ICE1: variants seen among roughly 807,000 people sequenced by gnomAD.
ICE1 encodes little elongation complex subunit 1.
Under a neutral mutation model 192.7 loss-of-function variants are expected in ICE1, and 64 were observed. That is an observed-to-expected ratio of 0.33 (90% CI 0.27 to 0.41). The LOEUF (loss-of-function observed/expected upper bound fraction) is 0.41. ICE1 is among the 10% of genes least tolerant of loss of function. The pLI is 1.00. For synonymous variants in ICE1, 1,010 were observed against 984.5 expected (o/e 1.03, Z -0.49); for missense variants, 2,708 against 2,696.0 (o/e 1.00, Z -0.10).
rs1739296660 is a variant in ICE1, at chr5:5,476,078, T to G, written c.6519T>G (p.Ile2173Met). 3.3e-6 allele frequency: 5 copies of G among 1,526,046 alleles called. No homozygotes were observed. Among genetic ancestry groups the G allele is most frequent in the Non-Finnish European group, 4.5e-6 (5 of 1,117,448 alleles). 94.5% of individuals were successfully genotyped at this position (1,526,046 alleles called of 1,614,324 possible). ...DIIIASILRLIGRLGQLGLKE... is the reference protein window; with the variant it reads ...DIIIASILRLMGRLGQLGLKE... ...TTATAGCCTCAATACTGAGGCTGAT[T>G]GGTAAGTTGTCTGTTTTATTATTGT... The change falls in exon 17 of 19, where the codon ATT becomes ATG. Residue 2173 changes from isoleucine (I) to methionine (M), a missense_variant and splice_region_variant. Physicochemically the swap from Ile to Met is conservative, Grantham distance 10. Around this residue, in one of 2 missense-constraint regions of ICE1, gnomAD observed 342 missense variants for 419.3 expected, o/e 0.82. Coordinates refer to ENST00000296564, the MANE Select transcript of ICE1 (RefSeq NM_015325.3).
Position 5,462,009 on chromosome 5 carries a change from G to A in ICE1, c.2675G>A (p.Ser892Asn). 1 of 1,613,958 alleles carries A rather than the reference G, an allele frequency of 6.2e-7. No individual in the cohort carries two copies. Among genetic ancestry groups the A allele is most frequent in the Non-Finnish European group, 8.5e-7 (1 of 1,179,894 alleles). The change falls in exon 13 of 19, where the codon AGT (serine) becomes AAT (asparagine). Residue 892 changes from serine (S) to asparagine (N), a missense_variant. Transcript: ENST00000296564. The part of the protein sequence containing the change: ...RVEPTLVTEN[S>N]GNKTGMSTVA... ...GAGCCTACCTTAGTAACAGAAAATAGTGGCAACAAAACCGGTATGTCAACT... is the reference window on the plus strand; with the variant it reads ...GAGCCTACCTTAGTAACAGAAAATAATGGCAACAAAACCGGTATGTCAACT...
chr5:5,454,463 TA>T (rs1738529003), intron 10 of ICE1, 88 bp from the exon 11 acceptor site: 5 of 826,906 alleles, frequency 6.0e-6, no homozygotes, highest in Non-Finnish European at 8.1e-6. Flanking sequence ...TCTAAGTCCC[TA>T]ATAAACCCTG....
Position 5,461,284 on chromosome 5 carries a change from G to A in ICE1, c.1950G>A (p.Gly650=), listed in dbSNP as rs757558118. The A allele has an allele frequency of 1.4e-5, 22 of 1,613,676 alleles. No individual in the cohort carries two copies. The highest frequency in any genetic ancestry group is 2.2e-5 in the East Asian group (1 of 44,890). The change falls in exon 13 of 19, where the codon GGG becomes GGA. Residue 650 remains glycine, a synonymous_variant. Transcript: ENST00000296564. The part of the protein sequence containing the change: ...SVGSNPQSSS[G]LDCGNDTDIT... ...GCAGTAATCCCCAGTCTTCTTCTGGGTTAGACTGTGGTAATGATACAGATA... is the reference window on the plus strand; with the variant it reads ...GCAGTAATCCCCAGTCTTCTTCTGGATTAGACTGTGGTAATGATACAGATA...
Position 5,461,007 on chromosome 5 carries a change from C to G in ICE1, c.1673C>G (p.Ser558Trp). The G allele has an allele frequency of 1.9e-6, 3 of 1,613,992 alleles. No individual in the cohort carries two copies. The highest frequency in any genetic ancestry group is 2.5e-6 in the Non-Finnish European group (3 of 1,179,888). The change falls in exon 13 of 19, where the codon TCG (serine) becomes TGG (tryptophan). Residue 558 changes from serine to tryptophan, a missense_variant. This residue lies in a region of ICE1 where 2,366 missense variants were observed against 2,276.6 expected (regional missense o/e 1.04). Transcript: ENST00000296564. ...GKTVLSKMMG[S>W]PKSEFTKWTR... ...ACCGTATTGTCTAAAATGATGGGAT[C>G]GCCCAAATCAGAGTTTACTAAGTGG...
chr5:5,456,896 G>A (rs141963782), intron 11 of ICE1, among the ~76,000 whole-genome samples: 118 of 152,196 alleles, frequency 7.8e-4, no homozygotes, highest in African/African-American at 2.6e-3. Flanking sequence ...TTTGGCCGTG[G>A]GTAGGCTTGA....
intron 10 of ICE1, among the ~76,000 whole-genome samples, chr5:5,448,292 T>C (rs181857814): frequency 2.0e-5 from 3 of 152,334 alleles, no homozygotes; most frequent in Admixed American, 6.5e-5. Context: ...AGCCTTATAG[T>C]ATATTATATA....
intron 16 of ICE1, among the ~76,000 whole-genome samples, chr5:5,475,035 AGTCT>A (rs1256957542): frequency 6.6e-6 from 1 of 152,202 alleles, no homozygotes; most frequent in Non-Finnish European, 1.5e-5. Flanking sequence ...GTCCAGTGCC[AGTCT>A]GTATAATGAT....
rs1292997295 is a variant in ICE1, at chr5:5,447,439, A to G, written c.437A>G (p.Lys146Arg). ...KVKKLQEAAV[K>R]QTQDFKQLRN... The stretch of plus-strand genomic sequence containing the variant: ...ATTGGACTTAAAGAGGCTGCTGTCA[A>G]GCAAACTCAGGACTTCAAGCAACTG... The change falls in exon 8 of 19, where the codon AAG becomes AGG. Residue 146 changes from lysine to arginine, a missense_variant. Lys to Arg is a conservative substitution (Grantham distance 26). Transcript: ENST00000296564. The G allele has an allele frequency of 6.4e-7, 1 of 1,552,428 alleles. No homozygotes were observed. The highest frequency in any genetic ancestry group is 2.4e-5 in the East Asian group (1 of 41,064).
rs1483389390 is a variant in ICE1, at chr5:5,463,429, A to G, written c.4095A>G (p.Glu1365=). 1.9e-6 allele frequency: 3 copies of G among 1,613,310 alleles called. No homozygotes were observed. Among genetic ancestry groups the G allele is most frequent in the Non-Finnish European group, 1.7e-6 (2 of 1,179,614 alleles). Residue 1365 remains glutamate, a synonymous_variant, in exon 13 of 19, where the codon GAA becomes GAG. Transcript: ENST00000296564. ...QTDGGEEDLP[E]PVEPSALCSD... ...ATGGTGGGGAAGAAGACCTGCCAGA[A>G]CCTGTGGAGCCATCAGCCTTGTGCT...
intron 12 of ICE1, among the ~76,000 whole-genome samples, chr5:5,459,791 A>G (rs1347743871): frequency 6.6e-6 from 1 of 152,128 alleles, no homozygotes; most frequent in Non-Finnish European, 1.5e-5. Context: ...CACATGCTCT[A>G]GGCAGTTAAC....
chr5:5,489,085 A>G, intron 18 of ICE1, 64 bp from the exon 19 acceptor site: 2 of 1,393,608 alleles, frequency 1.4e-6, no homozygotes, highest in Non-Finnish European at 2.0e-6. Context: ...AGTAGGTTAC[A>G]TCACTAAAAT....
In ICE1 at chr5:5,451,892, GTGT is replaced by G. The variant is rs1175175968; in HGVS notation, c.605-2655_605-2653del. ...CATGTTCTCAAGATTCAGGACTCTT[GTGT>G]TGTTAATATAGCTGCAAAAATACCA... is the stretch of plus-strand genomic sequence containing the variant. On this transcript the variant is annotated intron_variant, in intron 10 of 18. Transcript: ENST00000296564. Among the ~76,000 whole-genome samples, 27 of 152,188 alleles carry G rather than the reference GTGT, an allele frequency of 1.8e-4. 1 individual carries two copies. Among genetic ancestry groups the G allele is most frequent in the African/African-American group, 6.5e-4 (27 of 41,558 alleles).
At chr5:5,438,665 A>G (rs1039127931) in intron 3 of ICE1, among the ~76,000 whole-genome samples, 1 of 152,212 alleles carries the variant, frequency 6.6e-6, no homozygotes, top group East Asian at 1.9e-4. Context: ...AAAAATATGC[A>G]CACTCTTTGA....
At position 5,464,913 on chromosome 5, in the gene ICE1, G is replaced by A. The variant is rs896912004; in HGVS notation, c.5579G>A (p.Arg1860Lys). 6.2e-7 allele frequency: 1 copy of A among 1,613,286 alleles called. No individual in the cohort carries two copies. Among genetic ancestry groups the A allele is most frequent in the African/African-American group, 1.3e-5 (1 of 74,870 alleles). ...LDTGSPEPET[R>K]GVTAEGIHKN... ...ACTGGGTCCCCAGAACCAGAAACCA[G>A]GGGAGTCACTGCAGAAGGAATCCAC... The change falls in exon 13 of 19, where the codon AGG becomes AAG. Residue 1860 changes from arginine to lysine, a missense_variant. Physicochemically the swap from Arg to Lys is conservative, Grantham distance 26 (BLOSUM62 2). Around this residue, in one of 2 missense-constraint regions of ICE1, gnomAD observed 2,366 missense variants for 2,276.6 expected, o/e 1.04. Transcript: ENST00000296564. This position sits in a 1 kb window ranked among gnomAD's most constrained non-coding sequence, Gnocchi z 4.0.
chr5:5,481,073 T>C (rs2111404164), intron 17 of ICE1, among the ~76,000 whole-genome samples: 1 of 152,308 alleles, frequency 6.6e-6, no homozygotes, highest in East Asian at 1.9e-4. Flanking sequence ...GTGACATCTA[T>C]ATATCTGGAA....
Position 5,476,071 on chromosome 5 carries a change from G to A in ICE1, c.6512G>A (p.Arg2171Lys), listed in dbSNP as rs1739296488. ...TPDIIIASIL[R>K]LIGRLGQLGL... ...GATATTATTATAGCCTCAATACTGA[G>A]GCTGATTGGTAAGTTGTCTGTTTTA... is the stretch of plus-strand genomic sequence containing the variant. The change falls in exon 17 of 19, where the codon AGG becomes AAG. Residue 2171 changes from arginine (R) to lysine (K), a missense_variant. By Grantham distance (26) the Arg-to-Lys change is conservative. Coordinates refer to ENST00000296564, the MANE Select transcript of ICE1 (RefSeq NM_015325.3). The A allele has an allele frequency of 1.3e-6, 2 of 1,560,082 alleles. No homozygotes were observed. Among genetic ancestry groups the A allele is most frequent in the Non-Finnish European group, 1.7e-6 (2 of 1,147,486 alleles).
At position 5,457,759 on chromosome 5, in the gene ICE1, A is replaced by G. The variant is rs1435340588; in HGVS notation, c.1101+18A>G. 5 of 1,597,208 alleles carry G rather than the reference A, an allele frequency of 3.1e-6. No individual in the cohort carries two copies. Among genetic ancestry groups the G allele is most frequent in the Non-Finnish European group, 4.3e-6 (5 of 1,168,480 alleles). ...TTGCACCTGTGAGTTTTGCTCTCTGAATTTGAATTACCAAGTGGGTACATT... is the reference window on the plus strand; with the variant it reads ...TTGCACCTGTGAGTTTTGCTCTCTGGATTTGAATTACCAAGTGGGTACATT... On this transcript the variant is annotated intron_variant, in intron 12 of 18. Coordinates refer to ENST00000296564, the MANE Select transcript of ICE1 (RefSeq NM_015325.3).
chr5:5,472,827 T>C (rs1023268569), intron 15 of ICE1, among the ~76,000 whole-genome samples: 2 of 152,332 alleles, frequency 1.3e-5, no homozygotes, highest in Middle Eastern at 3.4e-3. Context: ...AAGGCATGAC[T>C]ACTTTGCAAA....
chr5:5,452,490 G>A (rs1738454320), intron 10 of ICE1, among the ~76,000 whole-genome samples: 2 of 152,148 alleles, frequency 1.3e-5, no homozygotes, highest in South Asian at 4.1e-4. Flanking sequence ...CAGTGTTTCT[G>A]AGGAAAACTG....
Sources: allele counts gnomAD v4.1 joint callset (sites outside exome capture counted in the v4.1 genomes callset), GRCh38; gene constraint gnomAD v4.1.1; regional missense constraint gnomAD v4.1.1; non-coding constraint Gnocchi (gnomAD v3.1); transcripts MANE v1.5; gene names NCBI Gene and HGNC (gene_info 2026-07-23, HGNC 2026-07-21).